TBCE: variants seen among roughly 807,000 people sequenced by gnomAD.
TBCE encodes tubulin folding cofactor E.
Under a neutral mutation model 77.0 loss-of-function variants are expected in TBCE, and 53 were observed. The observed-to-expected ratio is 0.69, with a 90% CI of 0.55 to 0.87. The LOEUF is 0.87. Among genes scored for constraint, TBCE ranks in the 40% least tolerant of loss-of-function variants. The pLI, the probability that TBCE is intolerant of heterozygous loss-of-function variation, is 0.00. For synonymous variants in TBCE, 235 were observed against 241.3 expected, an observed-to-expected ratio of 0.97 and a Z score of 0.24; for missense variants, 624 against 622.4, an observed-to-expected ratio of 1.00 and a Z score of -0.03.
chr1:235,380,160 ATTGTGTGT>A lies in TBCE; in HGVS notation c.100+12_100+19del, dbSNP rs772175128. ...TCCCTCCCGTGGCAGGTAAGCAATTATTGTGTGTGTGTGTGTGTGTGTGTGTGTGTGTG... is the reference window on the plus strand; with the variant it reads ...TCCCTCCCGTGGCAGGTAAGCAATTAGTGTGTGTGTGTGTGTGTGTGTGTG... On this transcript the variant is annotated intron_variant, in intron 2 of 16. Coordinates refer to ENST00000642610, the MANE Select transcript of TBCE (RefSeq NM_003193.5). The A allele has an allele frequency of 1.3e-5, 18 of 1,358,302 alleles. No individual in the cohort carries two copies. Among genetic ancestry groups the A allele is most frequent in the Non-Finnish European group, 1.7e-5 (17 of 976,358 alleles). The allele number at this position is 1,358,302 out of a possible 1,614,324, so 84.1% of individuals were successfully genotyped here.
At chr1:235,377,673 A>G (rs1677379286) in intron 1 of TBCE, among the ~76,000 whole-genome samples, 1 of 143,926 alleles carries the variant, frequency 6.9e-6, no homozygotes, top group Non-Finnish European at 1.5e-5. Flanking sequence ...TTTTTTTGAG[A>G]TGGGGTCTTG....
At chr1:235,411,696 G>T (rs1199266469) in intron 3 of TBCE, among the ~76,000 whole-genome samples, 1 of 152,162 alleles carries the variant, frequency 6.6e-6, no homozygotes, top group African/African-American at 2.4e-5. Context: ...ACAAATCACT[G>T]ATGTGTGTGT....
intron 1 of TBCE, among the ~76,000 whole-genome samples, chr1:235,370,810 C>T (rs150613735): frequency 0.029 from 4,162 of 144,620 alleles, 185 homozygotes; most frequent in African/African-American, 0.1. Context: ...TGTGTGATGT[C>T]GGCTCACTGC....
intron 15 of TBCE, among the ~76,000 whole-genome samples, chr1:235,447,967 T>C (rs1488718032): frequency 6.6e-6 from 1 of 151,898 alleles, no homozygotes; most frequent in South Asian, 2.1e-4. Context: ...TCCCAGCACT[T>C]TGGGGGGCCA....
At chr1:235,439,804 T>C (rs1015648185) in intron 13 of TBCE, among the ~76,000 whole-genome samples, 1 of 151,096 alleles carries the variant, frequency 6.6e-6, no homozygotes, top group Non-Finnish European at 1.5e-5. Context: ...CATTTCTTTT[T>C]CTTTTTTTTT....
chr1:235,443,633 A>C (rs1010394840), intron 15 of TBCE, among the ~76,000 whole-genome samples: 1 of 152,132 alleles, frequency 6.6e-6, no homozygotes, highest in Non-Finnish European at 1.5e-5. Context: ...TCATCCCTTC[A>C]TAAGAGAGGA....
chr1:235,400,137 C>A (rs1205668600), intron 2 of TBCE, among the ~76,000 whole-genome samples: 9 of 152,048 alleles, frequency 5.9e-5, no homozygotes, highest in Admixed American at 5.9e-4. Context: ...TCCTTTTGGA[C>A]CCATGAAAGA....
chr1:235,439,105 T>C, intron 13 of TBCE, 183 bp downstream of exon 13: 2 of 722,256 alleles, frequency 2.8e-6, no homozygotes, highest in Non-Finnish European at 4.7e-6. Context: ...GCAAGAGCAG[T>C]ATCTTTCAGC....
chr1:235,374,296 C>G (rs565580808), intron 1 of TBCE, among the ~76,000 whole-genome samples: 1 of 145,956 alleles, frequency 6.9e-6, no homozygotes, highest in African/African-American at 2.6e-5. Flanking sequence ...TTGTACCCCA[C>G]GTGCAGGTCA....
chr1:235,404,700 G>GTTTTTTT (rs1679315712), intron 3 of TBCE, among the ~76,000 whole-genome samples: 1 of 141,606 alleles, frequency 7.1e-6, no homozygotes. Flanking sequence ...ATGGATTCTT[G>GTTTTTTT]CTCTGTCACC....
Position 235,436,436 on chromosome 1 carries a change from C to G in TBCE, c.884C>G (p.Pro295Arg). 2 of 1,613,990 alleles carry G rather than the reference C, an allele frequency of 1.2e-6. No homozygotes were observed. The highest frequency in any genetic ancestry group is 1.6e-4 in the Middle Eastern group (1 of 6,062). Reference protein sequence around the residue: ...SDTGISSLHFPDAGIGCKTSM... With the variant: ...SDTGISSLHFRDAGIGCKTSM... ...ACTGGAATTTCTTCTCTACATTTTC[C>G]GGATGCTGGAATTGGTATATAAGAT... The change falls in exon 10 of 17, where the codon CCG becomes CGG. Residue 295 changes from proline (P) to arginine (R), a missense_variant. Pro to Arg is a moderately radical substitution (Grantham distance 103). Coordinates refer to ENST00000642610, the MANE Select transcript of TBCE (RefSeq NM_003193.5).
At chr1:235,380,819 CTT>C (rs1677590154) in intron 2 of TBCE, among the ~76,000 whole-genome samples, 2 of 152,082 alleles carry the variant, frequency 1.3e-5, no homozygotes, top group African/African-American at 2.4e-5. Flanking sequence ...GAGTTTCGCT[CTT>C]GTTATTCAGG....
rs1344429713 is a variant in TBCE at position 235,450,337 on chromosome 1, T to C, written c.*1575T>C. 1.2e-5 allele frequency: 20 copies of C among 1,613,798 alleles called. No homozygotes were observed. Among genetic ancestry groups the C allele is most frequent in the Non-Finnish European group, 1.6e-5 (19 of 1,179,876 alleles). ...CAGGTCTTCTCACACAGCCACAGACTGTCCTGTTGAGAAACAACCAAAGCC... is the reference window on the plus strand; with the variant it reads ...CAGGTCTTCTCACACAGCCACAGACCGTCCTGTTGAGAAACAACCAAAGCC... On this transcript the variant is annotated 3_prime_UTR_variant, in exon 17 of 17. Coordinates refer to ENST00000642610, the MANE Select transcript of TBCE (RefSeq NM_003193.5).
intron 5 of TBCE, among the ~76,000 whole-genome samples, chr1:235,425,367 A>G (rs1009440941): frequency 1.3e-5 from 2 of 152,044 alleles, no homozygotes; most frequent in African/African-American, 2.4e-5. Context: ...CCCCTCTGAC[A>G]TGTTCTGCCC....
intron 3 of TBCE, among the ~76,000 whole-genome samples, chr1:235,411,155 C>G (rs553463381): frequency 6.6e-6 from 1 of 152,352 alleles, no homozygotes; most frequent in South Asian, 2.1e-4. Flanking sequence ...ACCCATCACT[C>G]TTGTTTCTTC....
chr1:235,387,601 G>A (rs1678102560), intron 2 of TBCE, among the ~76,000 whole-genome samples: 1 of 152,186 alleles, frequency 6.6e-6, no homozygotes, highest in African/African-American at 2.4e-5. Flanking sequence ...GACCCTCCGA[G>A]CCAGGTGCGG....
chr1:235,412,620 C>CT (rs1307037300), intron 3 of TBCE, among the ~76,000 whole-genome samples: 6 of 151,790 alleles, frequency 4.0e-5, no homozygotes, highest in Non-Finnish European at 8.8e-5. Context: ...CCCACACTCT[C>CT]TAAGTTTCTA....
At chr1:235,444,038 A>T (rs927104404) in intron 15 of TBCE, among the ~76,000 whole-genome samples, 4 of 152,242 alleles carry the variant, frequency 2.6e-5, no homozygotes, top group African/African-American at 9.6e-5. Flanking sequence ...TGAAATACAC[A>T]TCAGCTTAAT....
In TBCE at chr1:235,449,005, C is replaced by CAGT; in HGVS notation, c.*243_*244insAGT. On this transcript the variant is annotated 3_prime_UTR_variant, in exon 17 of 17. Coordinates refer to ENST00000642610, the MANE Select transcript of TBCE (RefSeq NM_003193.5). ...TCTTATTTCATATTTATTTTTACAG[C>CAGT]TCATCACTGCATTTCATGATAAGAT... The CAGT allele has an allele frequency of 1.2e-5, 5 of 422,636 alleles. No individual in the cohort carries two copies. The highest frequency in any genetic ancestry group is 1.1e-4 in the South Asian group (5 of 45,854). The allele number at this position is 422,636 out of a possible 1,614,324, so 26.2% of individuals were successfully genotyped here.
Sources: gnomAD v4.1 joint callset for allele counts (sites outside exome capture counted in the v4.1 genomes callset) on GRCh38, gnomAD v4.1.1 for gene constraint, MANE v1.5 for transcripts, NCBI Gene and HGNC (gene_info 2026-07-23, HGNC 2026-07-21) for gene names.